The following SCG3 variants were observed in gnomAD, a reference collection of about 807,000 sequenced individuals.
SCG3 encodes secretogranin III.
SCG3 carries 38 observed loss-of-function variants against 56.2 expected under a neutral mutation model. That is an observed-to-expected ratio of 0.68 (90% CI 0.52 to 0.89). The LOEUF is 0.89. SCG3 is among the 40% of genes least tolerant of loss of function. SCG3 has a pLI of 0.00. For missense variants in SCG3, 524 were observed against 540.7 expected (o/e 0.97, Z 0.31); for synonymous variants, 176 against 184.2 (o/e 0.96, Z 0.36).
At chr15:51,703,759 T>C (rs1365511061) in intron 10 of SCG3, among the ~76,000 whole-genome samples, 3 of 152,230 alleles carry the variant, frequency 2.0e-5, no homozygotes, top group Non-Finnish European at 4.4e-5. Flanking sequence ...TGGGACTTTT[T>C]TGAGACAGGG....
chr15:51,710,320 G>A (rs2055412551), intron 10 of SCG3, among the ~76,000 whole-genome samples: 1 of 152,086 alleles, frequency 6.6e-6, no homozygotes, highest in Non-Finnish European at 1.5e-5. Context: ...CATGAAAGAG[G>A]AGGAGAATGA....
At chr15:51,706,358 T>G (rs1454822384) in intron 10 of SCG3, among the ~76,000 whole-genome samples, 1 of 152,170 alleles carries the variant, frequency 6.6e-6, no homozygotes, top group Non-Finnish European at 1.5e-5. Flanking sequence ...GGCCCAAGAA[T>G]AGTCCTTAAC....
intron 7 of SCG3, chr15:51,693,909 G>A (rs780991593): frequency 6.6e-5 from 10 of 152,194 alleles, no homozygotes; most frequent in South Asian, 2.1e-4. Context: ...GAGCAGCAGC[G>A]TGATGCCAAA....
chr15:51,703,634 A>T (rs1215802136), intron 10 of SCG3, among the ~76,000 whole-genome samples: 1 of 152,166 alleles, frequency 6.6e-6, no homozygotes, highest in East Asian at 1.9e-4. Flanking sequence ...TCCTTCAAGG[A>T]GTTCTGGTTC....
At chr15:51,716,162 G>A (rs2055454413) in intron 11 of SCG3, among the ~76,000 whole-genome samples, 1 of 152,200 alleles carries the variant, frequency 6.6e-6, no homozygotes, top group South Asian at 2.1e-4. Flanking sequence ...CAGCAAGGCA[G>A]TGGTTTTCAA....
rs748656544 is a variant in SCG3, at chr15:51,682,494, A to G, written c.83-23A>G. 27 of 1,308,308 alleles carry G rather than the reference A, an allele frequency of 2.1e-5. No individual in the cohort carries two copies. In the South Asian group the frequency reaches 2.2e-4, roughly 11 times the overall value. 81.0% of individuals were successfully genotyped at this position (1,308,308 alleles called of 1,614,324 possible). On this transcript the variant is annotated intron_variant, in intron 1 of 11. Coordinates refer to ENST00000220478, the MANE Select transcript of SCG3 (RefSeq NM_013243.4). The stretch of plus-strand genomic sequence containing the variant: ...TGTCCTTCAACGCACAATTAAATTT[A>G]TATTCACATGTGTTTATTCTAGACA...
In SCG3 at chr15:51,717,916, G is replaced by A. The variant is rs1227961003; in HGVS notation, c.1289-1492G>A. ...AGGCCTATCTCTGCAGATTCTTCTT[G>A]GCCTCTCTGTGCAACATTCCTTCCT... On this transcript the variant is annotated intron_variant, in intron 11 of 11. Transcript: ENST00000220478. Among the ~76,000 whole-genome samples the A allele has an allele frequency of 3.3e-5, 5 of 152,294 alleles. No individual in the cohort carries two copies. The South Asian group carries it at 8.3e-4, about 25-fold the overall frequency.
chr15:51,683,876 C>T (rs560214687), intron 4 of SCG3, among the ~76,000 whole-genome samples: 15 of 152,294 alleles, frequency 9.8e-5, no homozygotes, highest in Non-Finnish European at 1.5e-4. Context: ...CTAACCTTTA[C>T]GTGGCTTCAA....
At chr15:51,696,683 G>C (rs1263604095) in intron 8 of SCG3, among the ~76,000 whole-genome samples, 1 of 152,230 alleles carries the variant, frequency 6.6e-6, no homozygotes, top group African/African-American at 2.4e-5. Context: ...GGCAGAAGGT[G>C]AAGTGGGAGC....
chr15:51,709,777 G>A (rs1230974159), intron 10 of SCG3, among the ~76,000 whole-genome samples: 1 of 124,926 alleles, frequency 8.0e-6, no homozygotes, highest in East Asian at 2.3e-4. Context: ...CTGGAGTGCA[G>A]TGGCGTGATC....
intron 1 of SCG3, 64 bp from the exon 2 acceptor site, chr15:51,682,453 A>T: frequency 1.2e-6 from 1 of 804,822 alleles, no homozygotes; most frequent in Non-Finnish European, 2.0e-6. Flanking sequence ...AATTTTATTT[A>T]ATAAGAGGCA....
chr15:51,692,175 T>C lies in SCG3; in HGVS notation c.707T>C (p.Ile236Thr), dbSNP rs766156661. ...IPEKVTPMAAIQDGLAKGEND... is the reference protein window; with the variant it reads ...IPEKVTPMAATQDGLAKGEND... ...CCACTGGAGACTCCAATGGCAGCAA[T>C]TCAAGATGGTCTTGCTAAGGGAGAA... is the stretch of plus-strand genomic sequence containing the variant. Residue 236 changes from isoleucine (I) to threonine (T), a missense_variant, in exon 7 of 12, where the codon ATT becomes ACT. By Grantham distance (89) the Ile-to-Thr change is moderately conservative (BLOSUM62 -1). Coordinates refer to ENST00000220478, the MANE Select transcript of SCG3 (RefSeq NM_013243.4). 1 of 1,610,870 alleles carries C rather than the reference T, an allele frequency of 6.2e-7. No individual in the cohort carries two copies.
intron 10 of SCG3, among the ~76,000 whole-genome samples, chr15:51,709,486 TATGAAGAATAAA>T (rs1381808379): frequency 6.6e-6 from 1 of 151,558 alleles, no homozygotes; most frequent in Non-Finnish European, 1.5e-5. Context: ...AATAGAATTC[TATGAAGAATAAA>T]TGACATATGG....
rs1208923363 is a variant in SCG3 at position 51,687,417 on chromosome 15, T to C, written c.398-843T>C. On this transcript the variant is annotated intron_variant, in intron 4 of 11. Transcript: ENST00000220478. ...TTGGAGATGACTAATAATTGATTCCTGGAAGATCTCCATGGATGTGCTACA... is the reference window on the plus strand; with the variant it reads ...TTGGAGATGACTAATAATTGATTCCCGGAAGATCTCCATGGATGTGCTACA... Among the ~76,000 whole-genome samples, 4 of 152,332 alleles carry C rather than the reference T, an allele frequency of 2.6e-5. No individual in the cohort carries two copies. The East Asian group carries it at 7.7e-4, about 29-fold the overall frequency.
In SCG3 at chr15:51,720,008, T is replaced by C. The variant is rs1179306284; in HGVS notation, c.*482T>C. On this transcript the variant is annotated 3_prime_UTR_variant, in exon 12 of 12. Coordinates refer to ENST00000220478, the MANE Select transcript of SCG3 (RefSeq NM_013243.4). The stretch of plus-strand genomic sequence containing the variant: ...TCACATTTTCTCAAAGTCTCATAGC[T>C]TTGGAGGAGCCATCTGCTTTTTTGG... 1.3e-5 allele frequency: 2 copies of C among 152,660 alleles called. No individual in the cohort carries two copies. Among genetic ancestry groups the C allele is most frequent in the Non-Finnish European group, 1.5e-5 (1 of 68,384 alleles). The allele number at this position is 152,660 out of a possible 1,614,324, so 9.5% of individuals were successfully genotyped here. A position where few individuals can be genotyped will look rare whatever the true frequency, so the allele number is the denominator to read the frequency against.
chr15:51,698,556 T>C (rs2055319280), intron 8 of SCG3, among the ~76,000 whole-genome samples: 1 of 152,210 alleles, frequency 6.6e-6, no homozygotes, highest in South Asian at 2.1e-4. Flanking sequence ...TCAAACTGTT[T>C]GGCTTAAGCA....
Position 51,701,230 on chromosome 15 carries a change from C to G in SCG3, c.1193C>G (p.Thr398Arg). The change falls in exon 10 of 12, where the codon ACA (threonine) becomes AGA (arginine). Residue 398 changes from threonine (T) to arginine (R), a missense_variant. Coordinates refer to ENST00000220478, the MANE Select transcript of SCG3 (RefSeq NM_013243.4). ...GATAACTCCAACCCAGGAGGAAAGA[C>G]AGATGAACCCAAAGGTATGGGATTG... ...KDDNSNPGGKTDEPKGKTEAY... is the reference protein window; with the variant it reads ...KDDNSNPGGKRDEPKGKTEAY... The G allele has an allele frequency of 6.3e-7, 1 of 1,599,508 alleles. No homozygotes were observed. Among genetic ancestry groups the G allele is most frequent in the Non-Finnish European group, 8.5e-7 (1 of 1,174,672 alleles).
rs2055249160 is a variant in SCG3 at position 51,689,082 on chromosome 15, AGTGAGGGCTGTCT to A, written c.541-135_541-123del. ...ACAGCCAGCATGTGGTGCAGGCGTAAGTGAGGGCTGTCTGAAAGATGGTTCAGAAGATTCCTCT... is the reference window on the plus strand; with the variant it reads ...ACAGCCAGCATGTGGTGCAGGCGTAAGAAAGATGGTTCAGAAGATTCCTCT... On this transcript the variant is annotated intron_variant, in intron 5 of 11. Coordinates refer to ENST00000220478, the MANE Select transcript of SCG3 (RefSeq NM_013243.4). 7.9e-5 allele frequency: 73 copies of A among 923,002 alleles called. No homozygotes were observed. In the South Asian group the frequency reaches 1.1e-3, roughly 14 times the overall value. 57.2% of individuals were successfully genotyped at this position (923,002 alleles called of 1,614,324 possible). A position where few individuals can be genotyped will look rare whatever the true frequency, so the allele number is the denominator to read the frequency against.
chr15:51,699,931 C>A (rs1409170255), intron 9 of SCG3, among the ~76,000 whole-genome samples: 2 of 152,072 alleles, frequency 1.3e-5, no homozygotes, highest in African/African-American at 4.8e-5. Flanking sequence ...CCCCAGGGAA[C>A]TGAGCTATGG....
Sources: gnomAD v4.1 joint callset for allele counts (sites outside exome capture counted in the v4.1 genomes callset) on GRCh38, gnomAD v4.1.1 for gene constraint, MANE v1.5 for transcripts, NCBI Gene and HGNC (gene_info 2026-07-23, HGNC 2026-07-21) for gene names.